Variants in PGF observed in about 807,000 individuals in gnomAD.
PGF encodes placental growth factor.
Under a neutral mutation model 25.3 loss-of-function variants are expected in PGF, and 11 were observed. The ratio of observed to expected loss-of-function variants is 0.43; its 90% CI spans 0.27 to 0.72. The LOEUF is 0.72. Ranked by LOEUF, PGF falls within the 30% of genes least tolerant of loss-of-function variation. The pLI, the probability that PGF is intolerant of heterozygous loss-of-function variation, is 0.18. For synonymous variants in PGF, 105 were observed against 97.9 expected (o/e 1.07, Z -0.43); for missense variants, 230 against 234.9 (o/e 0.98, Z 0.14).
In PGF at chr14:74,955,212, G is replaced by A. The variant is rs1218552444; in HGVS notation, c.31C>T (p.Leu11=). 6.7e-7 allele frequency: 1 copy of A among 1,489,190 alleles called. No individual in the cohort carries two copies. The highest frequency in any genetic ancestry group is 1.3e-5 in the South Asian group (1 of 77,588). 92.2% of individuals were successfully genotyped at this position (1,489,190 alleles called of 1,614,324 possible). A position where few individuals can be genotyped will look rare whatever the true frequency, so the allele number is the denominator to read the frequency against. ...AGCGCCAGCCCGGCCAGGAGCTGCA[G>A]GAAGCAAGGGAACAGCCTCATGACC... MPVMRLFPCF[L]QLLAGLALPA... is the part of the protein sequence containing the mutation. Residue 11 remains leucine, a synonymous_variant, in exon 1 of 7, where the codon CTG becomes TTG. Transcript: ENST00000555567. This position sits in a 1 kb window ranked among gnomAD's most constrained non-coding sequence, Gnocchi z 4.1.
At chr14:74,942,920 T>G (rs926996557) in intron 6 of PGF, among the ~76,000 whole-genome samples, 187 bp from the exon 7 acceptor site, 7 of 152,252 alleles carry the variant, frequency 4.6e-5, no homozygotes, top group African/African-American at 1.7e-4. Flanking sequence ...CACCAAACAC[T>G]TACCCATGTG....
chr14:74,950,943 C>T lies in PGF; in HGVS notation c.119-1390G>A, dbSNP rs1290781378. ...GGCCTCTCCCAGCAACCCCTCATTT[C>T]TTCCATGCCTCTGCCTAGGAGGCAG... is the stretch of plus-strand genomic sequence containing the variant. On this transcript the variant is annotated intron_variant, in intron 2 of 6. Transcript: ENST00000555567. The surrounding 1 kb of genome is among the most constrained non-coding windows in gnomAD (Gnocchi z 4.1). Among the ~76,000 whole-genome samples the T allele has an allele frequency of 6.6e-6, 1 of 152,220 alleles. No individual in the cohort carries two copies. Among genetic ancestry groups the T allele is most frequent in the Non-Finnish European group, 1.5e-5 (1 of 68,048 alleles).
At chr14:74,948,365 C>A (rs971310613) in intron 4 of PGF, 142 bp downstream of exon 4, 52 of 533,412 alleles carry the variant, frequency 9.7e-5, no homozygotes, top group African/African-American at 9.6e-4. Flanking sequence ...GTCCTGCCCT[C>A]TTGGTCTCCC....
chr14:74,951,552 G>A (rs1888872387), intron 2 of PGF, among the ~76,000 whole-genome samples: 1 of 152,216 alleles, frequency 6.6e-6, no homozygotes, highest in Admixed American at 6.5e-5. Context: ...GTCAGCGAGG[G>A]GACAGCAGCA....
At chr14:74,955,649 C>G (rs1888974986), upstream of PGF, 1 of 158,796 alleles carries the variant, frequency 6.3e-6, no homozygotes, top group Non-Finnish European at 1.4e-5. This position sits in a 1 kb window ranked among gnomAD's most constrained non-coding sequence, Gnocchi z 4.1. Context: ...CGGGGCGGGG[C>G]TCCGGGCCGG....
chr14:74,948,383 G>C, intron 4 of PGF, 124 bp downstream of exon 4: 1 of 566,080 alleles, frequency 1.8e-6, no homozygotes, highest in Non-Finnish European at 3.2e-6. Flanking sequence ...CCCTCAGTCT[G>C]GAAAAAAGTT....
At chr14:74,947,913 C>A (rs1888777608) in intron 4 of PGF, 1 of 152,346 alleles carries the variant, frequency 6.6e-6, no homozygotes, top group Admixed American at 6.5e-5. Context: ...TCCTGCTAAC[C>A]AATGTTCCAA....
chr14:74,946,568 G>T (rs1285978280), intron 4 of PGF, 160 bp from the exon 5 acceptor site: 2 of 676,244 alleles, frequency 3.0e-6, no homozygotes, highest in Non-Finnish European at 5.0e-6. Context: ...GGGAGAGGTG[G>T]CCAGAGCCTC....
Position 74,955,337 on chromosome 14 carries a change from G to A in PGF, c.-95C>T. ...GCACAGGAGGAGAAGAGCTGAGTGG[G>A]GGGCTGGACGCCTCCCTCACTGCTG... On this transcript the variant is annotated 5_prime_UTR_variant, in exon 1 of 7. Transcript: ENST00000555567. The surrounding 1 kb of genome is among the most constrained non-coding windows in gnomAD (Gnocchi z 4.1). 1.6e-6 allele frequency: 1 copy of A among 631,546 alleles called. No homozygotes were observed. Among genetic ancestry groups the A allele is most frequent in the Non-Finnish European group, 2.4e-6 (1 of 411,174 alleles). The allele number at this position is 631,546 out of a possible 1,614,324, so 39.1% of individuals were successfully genotyped here.
At chr14:74,952,618 G>A (rs1015811303) in intron 2 of PGF, among the ~76,000 whole-genome samples, 6 of 152,190 alleles carry the variant, frequency 3.9e-5, no homozygotes, top group African/African-American at 1.4e-4. Context: ...TTAACAGGTG[G>A]GGATGCCATT....
chr14:74,951,166 T>C (rs900227765), intron 2 of PGF, among the ~76,000 whole-genome samples: 3 of 152,128 alleles, frequency 2.0e-5, no homozygotes, highest in African/African-American at 4.8e-5. Context: ...GCTTGTTTGC[T>C]GCTCCATTCT....
At chr14:74,951,517 T>C (rs56878295) in intron 2 of PGF, among the ~76,000 whole-genome samples, 1,626 of 152,242 alleles carry the variant, frequency 0.011, 18 homozygotes, top group African/African-American at 0.037. Flanking sequence ...CACAGAAGAC[T>C]CAGGTTCCTG....
intron 6 of PGF, among the ~76,000 whole-genome samples, chr14:74,944,378 A>T (rs943147236): frequency 6.6e-6 from 1 of 152,106 alleles, no homozygotes; most frequent in East Asian, 1.9e-4. Context: ...CTGGGATTAC[A>T]GGTGTGAGCC....
At position 74,942,478 on chromosome 14, in the gene PGF, G is replaced by C; in HGVS notation, c.*228C>G. The C allele has an allele frequency of 3.6e-6, 2 of 550,262 alleles. No individual in the cohort carries two copies. Among genetic ancestry groups the C allele is most frequent in the Non-Finnish European group, 6.4e-6 (2 of 312,618 alleles). The allele number at this position is 550,262 out of a possible 1,614,324, so 34.1% of individuals were successfully genotyped here. On this transcript the variant is annotated 3_prime_UTR_variant, in exon 7 of 7. Transcript: ENST00000555567. ...GTGTCTTGCTTCTTTCAAAGCGGAA[G>C]CTCCCAGGGGTCTGTGGCTGGCTTC...
intron 2 of PGF, among the ~76,000 whole-genome samples, chr14:74,952,110 T>C (rs1888885930): frequency 1.3e-5 from 2 of 151,756 alleles, no homozygotes; most frequent in South Asian, 4.2e-4. Flanking sequence ...AGGCTGCAAG[T>C]GTGCCCTCAG....
In PGF at chr14:74,955,340, G is replaced by A. The variant is rs1888963790; in HGVS notation, c.-98C>T. The A allele has an allele frequency of 1.1e-5, 7 of 611,142 alleles. No individual in the cohort carries two copies. The highest frequency in any genetic ancestry group is 4.3e-5 in the South Asian group (1 of 23,394). The allele number at this position is 611,142 out of a possible 1,614,324, so 37.9% of individuals were successfully genotyped here. ...CAGGAGGAGAAGAGCTGAGTGGGGG[G>A]CTGGACGCCTCCCTCACTGCTGCCC... On this transcript the variant is annotated 5_prime_UTR_variant, in exon 1 of 7. Transcript: ENST00000555567. The surrounding 1 kb of genome is among the most constrained non-coding windows in gnomAD (Gnocchi z 4.1).
chr14:74,951,659 C>T (rs931441754), intron 2 of PGF, among the ~76,000 whole-genome samples: 4 of 152,200 alleles, frequency 2.6e-5, no homozygotes, highest in Admixed American at 1.3e-4. Context: ...GGCTGGGCCT[C>T]GGCAGCAGAA....
chr14:74,949,597 C>T, intron 2 of PGF, 44 bp from the exon 3 acceptor site: 2 of 1,425,054 alleles, frequency 1.4e-6, no homozygotes, highest in Non-Finnish European at 1.9e-6. Flanking sequence ...CAGAGACCTG[C>T]CCCTTGAAGC....
Position 74,955,228 on chromosome 14 carries a change from C to A in PGF, c.15G>T (p.Arg5Ser). The A allele has an allele frequency of 6.8e-7, 1 of 1,479,444 alleles. No individual in the cohort carries two copies. The highest frequency in any genetic ancestry group is 9.0e-7 in the Non-Finnish European group (1 of 1,106,718). The allele number at this position is 1,479,444 out of a possible 1,614,324, so 91.6% of individuals were successfully genotyped here. The change falls in exon 1 of 7, where the codon AGG (arginine) becomes AGT (serine). Residue 5 changes from arginine (R) to serine (S), a missense_variant. Coordinates refer to ENST00000555567, the MANE Select transcript of PGF (RefSeq NM_002632.6). The surrounding 1 kb of genome is among the most constrained non-coding windows in gnomAD (Gnocchi z 4.1). ...GGAGCTGCAGGAAGCAAGGGAACAG[C>A]CTCATGACCGGCATCTTCTCAGACG... MPVM[R>S]LFPCFLQLLA... is the part of the protein sequence containing the mutation.
Sources: gnomAD v4.1 joint callset for allele counts (sites outside exome capture counted in the v4.1 genomes callset) on GRCh38, gnomAD v4.1.1 for gene constraint, Gnocchi (gnomAD v3.1) non-coding constraint, MANE v1.5 for transcripts, NCBI Gene and HGNC (gene_info 2026-07-23, HGNC 2026-07-21) for gene names.